The following TENM3 variants were observed in gnomAD, a reference collection of about 807,000 sequenced individuals.
TENM3 encodes teneurin transmembrane protein 3, also known as teneurin-3.
A neutral mutation model predicts 255.1 loss-of-function variants in TENM3; 63 were observed. The observed-to-expected ratio is 0.25, with a 90% CI of 0.20 to 0.30. The LOEUF (loss-of-function observed/expected upper bound fraction) is 0.30. Ranked by LOEUF, TENM3 falls within the 10% of genes least tolerant of loss-of-function variation. TENM3 has a pLI of 1.00. For missense variants in TENM3, 2,929 were observed against 3,461.1 expected, an observed-to-expected ratio of 0.85 and a Z score of 3.86; for synonymous variants, 1,306 against 1,322.3, an observed-to-expected ratio of 0.99 and a Z score of 0.27.
the TENM3 span, among the ~76,000 whole-genome samples, chr4:181,903,505 T>C: frequency 4.6e-5 from 7 of 152,176 alleles, no homozygotes; most frequent in Non-Finnish European, 8.8e-5. Flanking sequence ...CATTAGGCGA[T>C]ACTCACCTCT....
intron 1 of TENM3, among the ~76,000 whole-genome samples, chr4:182,174,077 A>C (rs1326261697): frequency 6.6e-6 from 1 of 152,160 alleles, no homozygotes; most frequent in Non-Finnish European, 1.5e-5. Flanking sequence ...ATTGTTTTAC[A>C]CAGAAATTAA....
chr4:181,768,295 G>C, the TENM3 span, among the ~76,000 whole-genome samples: 1 of 152,170 alleles, frequency 6.6e-6, no homozygotes, highest in African/African-American at 2.4e-5. Context: ...ATTCTAGTGA[G>C]TAGGGGCCCG....
At chr4:182,784,432 C>T (rs1765450401) in intron 24 of TENM3, among the ~76,000 whole-genome samples, 1 of 151,498 alleles carries the variant, frequency 6.6e-6, no homozygotes, top group Non-Finnish European at 1.5e-5. Flanking sequence ...CAGCTGCGTG[C>T]TGGGAGAACC....
rs1440846164 is a variant in TENM3 at position 182,680,621 on chromosome 4, C to T, written c.1718C>T (p.Thr573Ile). ...RCLCFSGWKG[T>I]ECDVPTTQCI... Reference sequence around the variant, plus strand: ...CTGTGTTTCAGCGGCTGGAAGGGCACCGAGTGTGATGTGCCGACTACCCAG... The same window carrying T: ...CTGTGTTTCAGCGGCTGGAAGGGCATCGAGTGTGATGTGCCGACTACCCAG... The change falls in exon 10 of 28, where the codon ACC becomes ATC. Residue 573 changes from threonine (T) to isoleucine (I), a missense_variant. By Grantham distance (89) the Thr-to-Ile change is moderately conservative. This residue lies in a region of TENM3 where 1,608 missense variants were observed against 1,884.4 expected (regional missense o/e 0.85). Transcript: ENST00000511685. 1.2e-6 allele frequency: 2 copies of T among 1,613,694 alleles called. No homozygotes were observed. The highest frequency in any genetic ancestry group is 1.7e-5 in the Admixed American group (1 of 59,932).
the TENM3 span, among the ~76,000 whole-genome samples, chr4:181,467,243 G>C: frequency 7.5e-5 from 11 of 146,746 alleles, no homozygotes; most frequent in East Asian, 2.2e-3. Context: ...AATTCTCCTT[G>C]TCTCAGCCTC....
At chr4:182,278,862 A>G (rs993456168) in intron 1 of TENM3, among the ~76,000 whole-genome samples, 1 of 152,162 alleles carries the variant, frequency 6.6e-6, no homozygotes, top group South Asian at 2.1e-4. Flanking sequence ...ACAAAACCCT[A>G]TGTCATGCGC....
intron 22 of TENM3, among the ~76,000 whole-genome samples, chr4:182,771,987 C>T (rs928003841): frequency 2.0e-5 from 3 of 152,124 alleles, no homozygotes; most frequent in African/African-American, 7.2e-5. Flanking sequence ...TCAGTCAAAC[C>T]CATGATCTGA....
the TENM3 span, among the ~76,000 whole-genome samples, chr4:181,583,808 A>G: frequency 6.6e-6 from 1 of 152,300 alleles, no homozygotes. Flanking sequence ...TGTAATTCTA[A>G]TAATATCCTC....
At chr4:182,119,246 G>T in the TENM3 span, among the ~76,000 whole-genome samples, 2 of 152,108 alleles carry the variant, frequency 1.3e-5, no homozygotes, top group African/African-American at 4.8e-5. Context: ...AAAATGCTCC[G>T]ATGTATTTCG....
chr4:181,501,024 G>A, the TENM3 span, among the ~76,000 whole-genome samples: 26 of 152,130 alleles, frequency 1.7e-4, no homozygotes, highest in South Asian at 6.2e-4. Flanking sequence ...GCTAATGACC[G>A]GACAGTCCAC....
chr4:182,612,874 T>C (rs1329569468), intron 4 of TENM3, among the ~76,000 whole-genome samples: 1 of 152,220 alleles, frequency 6.6e-6, no homozygotes, highest in Non-Finnish European at 1.5e-5. Context: ...GAACTGATTG[T>C]TTTCTGCCTT....
intron 24 of TENM3, among the ~76,000 whole-genome samples, chr4:182,775,727 A>G (rs559547204): frequency 6.6e-6 from 1 of 152,352 alleles, no homozygotes; most frequent in East Asian, 1.9e-4. Flanking sequence ...ACACAAAGAC[A>G]TGGATGACAG....
chr4:181,876,857 G>T, the TENM3 span, among the ~76,000 whole-genome samples: 1 of 151,936 alleles, frequency 6.6e-6, no homozygotes, highest in Non-Finnish European at 1.5e-5. Flanking sequence ...TGATTTGCAA[G>T]GTCATATATT....
the TENM3 span, among the ~76,000 whole-genome samples, chr4:181,715,193 C>T: frequency 0.65 from 98,329 of 152,100 alleles, 34,133 homozygotes; most frequent in East Asian, 0.83. Flanking sequence ...TCTACTATGT[C>T]GGTCACCTCA....
chr4:182,503,986 A>G (rs1736569933), intron 3 of TENM3, among the ~76,000 whole-genome samples: 1 of 151,538 alleles, frequency 6.6e-6, no homozygotes. Flanking sequence ...ACTTCATACT[A>G]TCTGACATAT....
intron 12 of TENM3, among the ~76,000 whole-genome samples, chr4:182,703,960 T>C (rs533576276): frequency 2.0e-5 from 3 of 152,350 alleles, no homozygotes; most frequent in South Asian, 4.1e-4. Context: ...ATCACTGTTA[T>C]AACCAACTTC....
intron 12 of TENM3, among the ~76,000 whole-genome samples, chr4:182,699,561 A>G (rs1157880127): frequency 1.3e-5 from 2 of 152,192 alleles, no homozygotes; most frequent in Non-Finnish European, 1.5e-5. Flanking sequence ...AATTACAGTT[A>G]TATGCCAGGC....
At chr4:182,486,177 G>T (rs1734684783) in intron 3 of TENM3, among the ~76,000 whole-genome samples, 2 of 152,036 alleles carry the variant, frequency 1.3e-5, no homozygotes, top group Non-Finnish European at 2.9e-5. Context: ...TTATCTGGAA[G>T]TAGATGGAAA....
At chr4:182,036,181 C>G in the TENM3 span, among the ~76,000 whole-genome samples, 15 of 152,134 alleles carry the variant, frequency 9.9e-5, no homozygotes, top group African/African-American at 3.4e-4. Flanking sequence ...ACAACTGCAT[C>G]TGTGTGTGAT....
Sources: gnomAD v4.1 joint callset for allele counts (sites outside exome capture counted in the v4.1 genomes callset) on GRCh38, gnomAD v4.1.1 for gene constraint, gnomAD v4.1.1 regional missense constraint, MANE v1.5 for transcripts, NCBI Gene and HGNC (gene_info 2026-07-23, HGNC 2026-07-21) for gene names.